Variants in KCNJ1 observed in about 807,000 individuals in gnomAD.
The protein encoded by KCNJ1 is ATP-sensitive inward rectifier potassium channel 1.
KCNJ1 carries 24 observed loss-of-function variants against 21.9 expected under a neutral mutation model. The observed-to-expected ratio is 1.10, with a 90% CI of 0.79 to 1.54. KCNJ1 has a LOEUF of 1.54. Among genes scored for constraint, KCNJ1 ranks in the 40% most tolerant of loss-of-function variants. The pLI, the probability that KCNJ1 is intolerant of heterozygous loss-of-function variation, is 0.00. For synonymous variants in KCNJ1, 152 were observed against 160.9 expected (o/e 0.94, Z 0.42); for missense variants, 457 against 455.4 (o/e 1.00, Z -0.03).
intron 1 of KCNJ1, among the ~76,000 whole-genome samples, chr11:128,866,003 A>T (rs139811614): frequency 3.3e-5 from 5 of 152,256 alleles, no homozygotes; most frequent in Non-Finnish European, 5.9e-5. Context: ...GAAGAAATCC[A>T]CCTTCATGAC....
intron 2 of KCNJ1, among the ~76,000 whole-genome samples, chr11:128,850,386 T>C (rs1006291882): frequency 3.3e-5 from 5 of 152,258 alleles, no homozygotes; most frequent in Admixed American, 6.5e-5. Context: ...ACTTTTGTGC[T>C]GTCTCCTCCA....
chr11:128,862,633 C>T (rs138554579), intron 1 of KCNJ1, among the ~76,000 whole-genome samples: 1,681 of 152,312 alleles, frequency 0.011, 38 homozygotes, highest in African/African-American at 0.038. Context: ...CCCTACTCAT[C>T]CCCTCACGGG....
Position 128,859,959 on chromosome 11 carries a change from G to GA in KCNJ1, c.-192+7213_-192+7214insT, listed in dbSNP as rs200959473. On this transcript the variant is annotated intron_variant, in intron 1 of 2. Coordinates refer to ENST00000392666, the MANE Select transcript of KCNJ1 (RefSeq NM_153766.3). ...AGACGGCGGGCAGCAAAGCGCAGGC[G>GA]GGAGAGGAGGCGCGGCAAGGCCCAC... 4.7e-3 allele frequency among the ~76,000 whole-genome samples: 723 copies of GA among 152,370 alleles called. 8 individuals are homozygous for GA. Among genetic ancestry groups the GA allele is most frequent in the African/African-American group, 0.016 (684 of 41,584 alleles).
intron 1 of KCNJ1, among the ~76,000 whole-genome samples, chr11:128,854,607 C>A (rs1269530523): frequency 6.6e-6 from 1 of 152,150 alleles, no homozygotes; most frequent in Non-Finnish European, 1.5e-5. Flanking sequence ...AGTCTACATT[C>A]AAGGACTCAC....
intron 1 of KCNJ1, among the ~76,000 whole-genome samples, chr11:128,853,597 T>C (rs1280829389): frequency 1.3e-5 from 2 of 152,254 alleles, no homozygotes; most frequent in African/African-American, 4.8e-5. Context: ...TGTGCAACTC[T>C]GTGAATACAC....
At chr11:128,846,404 T>G (rs1225115786) in intron 2 of KCNJ1, among the ~76,000 whole-genome samples, 1 of 152,156 alleles carries the variant, frequency 6.6e-6, no homozygotes, top group African/African-American at 2.4e-5. Context: ...GCATGGCAGT[T>G]TAATCAGGGG....
In KCNJ1 at chr11:128,856,773, T is replaced by C. The variant is rs546138078; in HGVS notation, c.-191-5883A>G. Among the ~76,000 whole-genome samples the C allele has an allele frequency of 2.0e-5, 3 of 152,240 alleles. No individual in the cohort carries two copies. The East Asian group carries it at 5.8e-4, about 29-fold the overall frequency. ...ATCCATCAGCAAATCTTGTCTGCTC[T>C]TTCTACACAATATAGTCAGGACCTG... On this transcript the variant is annotated intron_variant, in intron 1 of 2. Coordinates refer to ENST00000392666, the MANE Select transcript of KCNJ1 (RefSeq NM_153766.3).
At chr11:128,862,023 A>G (rs935523687) in intron 1 of KCNJ1, among the ~76,000 whole-genome samples, 5 of 152,112 alleles carry the variant, frequency 3.3e-5, no homozygotes, top group Non-Finnish European at 5.9e-5. Context: ...TCCGCGTGGG[A>G]AGGGATTTGC....
chr11:128,857,228 C>T (rs1362009101), intron 1 of KCNJ1, among the ~76,000 whole-genome samples: 1 of 152,198 alleles, frequency 6.6e-6, no homozygotes, highest in East Asian at 1.9e-4. Context: ...CCATCACCAC[C>T]TTCTTCGAGA....
At position 128,863,157 on chromosome 11, in the gene KCNJ1, C is replaced by T. The variant is rs143357605; in HGVS notation, c.-192+4016G>A. ...AAAGACAGTATTAACCTGTTGCTTT[C>T]AATTGTGTTGGGTTGCATATTTAAA... On this transcript the variant is annotated intron_variant, in intron 1 of 2. Transcript: ENST00000392666. Among the ~76,000 whole-genome samples, 168 of 152,330 alleles carry T rather than the reference C, an allele frequency of 1.1e-3. 1 individual carries two copies. The highest frequency in any genetic ancestry group is 3.8e-3 in the African/African-American group (158 of 41,568).
At chr11:128,858,155 G>GGAGGGATGGCGAGGGATGGC (rs1191322323) in intron 1 of KCNJ1, among the ~76,000 whole-genome samples, 1 of 150,622 alleles carries the variant, frequency 6.6e-6, no homozygotes, top group Non-Finnish European at 1.5e-5. Flanking sequence ...CGAGGGTTGG[G>GGAGGGATGGCGAGGGATGGC]GAGGGATGGC....
At chr11:128,860,748 GAGGCCAGGTGGCTCTGAAA>G (rs1943691055) in intron 1 of KCNJ1, among the ~76,000 whole-genome samples, 1 of 152,184 alleles carries the variant, frequency 6.6e-6, no homozygotes, top group African/African-American at 2.4e-5. Context: ...CAGAAAAGTG[GAGGCCAGGTGGCTCTGAAA>G]CCCAGGTGTG....
At chr11:128,865,166 C>A (rs539684175) in intron 1 of KCNJ1, among the ~76,000 whole-genome samples, 100 of 152,194 alleles carry the variant, frequency 6.6e-4, no homozygotes, top group African/African-American at 2.2e-3. Context: ...CCAGTAGGCC[C>A]CTTCCTGCCC....
rs191336601 is a variant in KCNJ1, at chr11:128,841,413, A to G, written c.-21-1149T>C. 2.2e-3 allele frequency among the ~76,000 whole-genome samples: 329 copies of G among 152,292 alleles called. 5 individuals carry two copies. Among genetic ancestry groups the G allele is most frequent in the Admixed American group, 0.02 (303 of 15,298 alleles). On this transcript the variant is annotated intron_variant, in intron 2 of 2. Coordinates refer to ENST00000392666, the MANE Select transcript of KCNJ1 (RefSeq NM_153766.3). ...GCTCAATTGATTTTTTATAGATGAC[A>G]TTACTGTGACTTCCATTGTACAGCA...
In KCNJ1 at chr11:128,838,981, T is replaced by C. The variant is rs1943216574; in HGVS notation, c.*144A>G. 1.4e-6 allele frequency: 1 copy of C among 702,272 alleles called. No individual in the cohort carries two copies. Among genetic ancestry groups the C allele is most frequent in the Non-Finnish European group, 2.5e-6 (1 of 404,572 alleles). 43.5% of individuals were successfully genotyped at this position (702,272 alleles called of 1,614,324 possible). Reference sequence around the variant, plus strand: ...AGATGCATGTCTTGTGGGATCACAATTGCGGGGCTCAGGGGTCTTTGTGCT... The same window carrying C: ...AGATGCATGTCTTGTGGGATCACAACTGCGGGGCTCAGGGGTCTTTGTGCT... On this transcript the variant is annotated 3_prime_UTR_variant, in exon 3 of 3. Transcript: ENST00000392666.
At chr11:128,865,266 G>A (rs534485004) in intron 1 of KCNJ1, among the ~76,000 whole-genome samples, 1 of 152,166 alleles carries the variant, frequency 6.6e-6, no homozygotes, top group African/African-American at 2.4e-5. Context: ...GATACTATGA[G>A]CTACATTTCT....
rs1943245285 is a variant in KCNJ1 at position 128,839,717 on chromosome 11, CT to C, written c.526del (p.Ser176AlafsTer5). On this transcript the variant is annotated frameshift_variant, in exon 3 of 3. Coordinates refer to ENST00000392666, the MANE Select transcript of KCNJ1 (RefSeq NM_153766.3). LOFTEE classifies it high-confidence loss of function. ...CCGTTTGCTGATCACTGCGTTCTTG[CT>C]GAACGTAATGGTCTTGGCACGTTTT... The part of the protein sequence containing the change: ...PKKRAKTITF[S>X]KNAVISKRGG... The C allele has an allele frequency of 6.2e-7, 1 of 1,613,312 alleles. No individual in the cohort carries two copies. Among genetic ancestry groups the C allele is most frequent in the Non-Finnish European group, 8.5e-7 (1 of 1,179,784 alleles).
In KCNJ1 at chr11:128,839,868, C is replaced by A; in HGVS notation, c.376G>T (p.Gly126Ter). ...CACTGTTCTGTCACACACCTGAATC[C>A]ATATCCAATGGTCACTTGAGTCTCC... Reference protein sequence around the residue: ...SLETQVTIGYGFRCVTEQCAT... With the variant: ...SLETQVTIGY Residue 126 changes from glycine (G) to a stop codon, truncating the protein, a stop_gained, in exon 3 of 3, where the codon GGA becomes TGA. Transcript: ENST00000392666. LOFTEE classifies it high-confidence loss of function. The A allele has an allele frequency of 6.2e-7, 1 of 1,614,146 alleles. No homozygotes were observed. The highest frequency in any genetic ancestry group is 8.5e-7 in the Non-Finnish European group (1 of 1,180,012).
At chr11:128,841,076 G>A (rs892274272) in intron 2 of KCNJ1, among the ~76,000 whole-genome samples, 4 of 152,186 alleles carry the variant, frequency 2.6e-5, no homozygotes, top group African/African-American at 7.2e-5. Context: ...ACAGAGCTCA[G>A]ATCCAACCAG....
Sources: gnomAD v4.1 joint callset for allele counts (sites outside exome capture counted in the v4.1 genomes callset) on GRCh38, gnomAD v4.1.1 for gene constraint, MANE v1.5 for transcripts, NCBI Gene and HGNC (gene_info 2026-07-23, HGNC 2026-07-21) for gene names.